Variants in TMEM108 observed in about 807,000 individuals in gnomAD.
TMEM108 encodes the protein transmembrane protein 108.
Under a neutral mutation model 35.1 loss-of-function variants are expected in TMEM108, and 12 were observed. That is an observed-to-expected ratio of 0.34 (90% CI 0.22 to 0.55). The LOEUF (loss-of-function observed/expected upper bound fraction) is 0.55, where lower values mean the gene tolerates loss of function less well. Among genes scored for constraint, TMEM108 ranks in the 20% least tolerant of loss-of-function variants. The pLI, the probability that TMEM108 is intolerant of heterozygous loss-of-function variation, is 0.89. For missense variants in TMEM108, 680 were observed against 753.3 expected (o/e 0.90, Z 1.14); for synonymous variants, 287 against 308.6 (o/e 0.93, Z 0.73).
chr3:133,385,855 G>A (rs1235519127), intron 4 of TMEM108, among the ~76,000 whole-genome samples: 2 of 152,224 alleles, frequency 1.3e-5, no homozygotes, highest in Non-Finnish European at 2.9e-5. Context: ...CCTGTCCACT[G>A]TGTTAGTTCC....
At chr3:133,198,872 C>T (rs1576376679) in intron 2 of TMEM108, among the ~76,000 whole-genome samples, 1 of 152,160 alleles carries the variant, frequency 6.6e-6, no homozygotes, top group African/African-American at 2.4e-5. Context: ...AGTGGAAACA[C>T]TCCTGCAGAG....
intron 3 of TMEM108, among the ~76,000 whole-genome samples, chr3:133,290,397 G>A (rs1401507915): frequency 6.6e-6 from 1 of 152,102 alleles, no homozygotes; most frequent in Non-Finnish European, 1.5e-5. Context: ...AAGCTGAGTG[G>A]ATCATCTCAG....
At position 133,380,876 on chromosome 3, in the gene TMEM108, C is replaced by CCCT. The variant is rs760690770; in HGVS notation, c.1168_1170dup (p.Ser390dup). The stretch of plus-strand genomic sequence containing the variant: ...CACAACCCCACAAGCTCCAACCCAT[C>CCCT]CCTCCAGGGTCTCAGAAAGCACTAT... On this transcript the variant is annotated inframe_insertion, in exon 4 of 6. Coordinates refer to ENST00000321871, the MANE Select transcript of TMEM108 (RefSeq NM_023943.4). The surrounding 1 kb of genome is among the most constrained non-coding windows in gnomAD (Gnocchi z 5.3). The CCCT allele has an allele frequency of 4.8e-5, 78 of 1,614,086 alleles. No individual in the cohort carries two copies. The highest frequency in any genetic ancestry group is 6.1e-5 in the Non-Finnish European group (72 of 1,180,034).
intron 4 of TMEM108, chr3:133,387,275 T>A: frequency 1.0e-6 from 1 of 985,490 alleles, no homozygotes; most frequent in Non-Finnish European, 1.2e-6. Flanking sequence ...GAAGTTCATC[T>A]TAAGTGACTT....
intron 2 of TMEM108, among the ~76,000 whole-genome samples, chr3:133,161,329 T>C (rs2107779100): frequency 6.6e-6 from 1 of 152,324 alleles, no homozygotes; most frequent in South Asian, 2.1e-4. Context: ...CATTCTTTCA[T>C]CACTCAGTCT....
At chr3:133,228,303 A>G (rs956625774) in intron 2 of TMEM108, among the ~76,000 whole-genome samples, 4 of 152,224 alleles carry the variant, frequency 2.6e-5, no homozygotes, top group African/African-American at 9.6e-5. Flanking sequence ...TAAAAATTTT[A>G]TATACAAATG....
rs546607363 is a variant in TMEM108 at position 133,353,936 on chromosome 3, G to C, written c.41-25816G>C. ...CCAAACTTTGTTTCTTGACATTCTGGAGAAGCATTAGTTTGCTTGTGTCCA... is the reference window on the plus strand; with the variant it reads ...CCAAACTTTGTTTCTTGACATTCTGCAGAAGCATTAGTTTGCTTGTGTCCA... On this transcript the variant is annotated intron_variant, in intron 3 of 5. Coordinates refer to ENST00000321871, the MANE Select transcript of TMEM108 (RefSeq NM_023943.4). 1.3e-5 allele frequency among the ~76,000 whole-genome samples: 2 copies of C among 152,282 alleles called. 1 individual carries two copies. Among genetic ancestry groups the C allele is most frequent in the African/African-American group, 4.8e-5 (2 of 41,566 alleles).
intron 2 of TMEM108, among the ~76,000 whole-genome samples, chr3:133,104,349 G>A (rs980277013): frequency 6.6e-6 from 1 of 152,156 alleles, no homozygotes; most frequent in East Asian, 1.9e-4. Flanking sequence ...GCAAAATAGA[G>A]CTTTATTTGT....
At chr3:133,198,903 T>C (rs572639743) in intron 2 of TMEM108, among the ~76,000 whole-genome samples, 20 of 152,320 alleles carry the variant, frequency 1.3e-4, no homozygotes, top group Admixed American at 7.2e-4. Context: ...CTTGGTTCCA[T>C]TCTCCCTGTC....
chr3:133,372,480 T>A lies in TMEM108; in HGVS notation c.41-7272T>A, dbSNP rs145767222. 6.6e-5 allele frequency among the ~76,000 whole-genome samples: 10 copies of A among 152,336 alleles called. No homozygotes were observed. The South Asian group carries it at 2.1e-3, about 32-fold the overall frequency. On this transcript the variant is annotated intron_variant, in intron 3 of 5. Coordinates refer to ENST00000321871, the MANE Select transcript of TMEM108 (RefSeq NM_023943.4). ...GTGTGTTCACGTGTGTTTGTTCATA[T>A]GTTTTTTAGGAGACCATGGTCTGTC...
intron 3 of TMEM108, among the ~76,000 whole-genome samples, chr3:133,330,280 A>G (rs1418997844): frequency 6.6e-6 from 1 of 152,176 alleles, no homozygotes; most frequent in African/African-American, 2.4e-5. Flanking sequence ...GAGCAGCTGC[A>G]GGGGAGGGGA....
intron 3 of TMEM108, among the ~76,000 whole-genome samples, chr3:133,284,962 CG>C (rs1559892302): frequency 6.6e-6 from 1 of 151,646 alleles, no homozygotes; most frequent in African/African-American, 2.4e-5. Flanking sequence ...TGTTTACCAA[CG>C]CTTTCTTATT....
rs1293371312 is a variant in TMEM108, at chr3:133,238,010, T to G, written c.40+8659T>G. ...GTTTGAGAACCTCTGACCTAAAGGA[T>G]AAATCCTAAATTCCTTAGGTTAGTG... is the stretch of plus-strand genomic sequence containing the variant. On this transcript the variant is annotated intron_variant, in intron 3 of 5. Coordinates refer to ENST00000321871, the MANE Select transcript of TMEM108 (RefSeq NM_023943.4). Among the ~76,000 whole-genome samples, 3 of 152,170 alleles carry G rather than the reference T, an allele frequency of 2.0e-5. No homozygotes were observed. In the East Asian group the frequency reaches 5.8e-4, roughly 29 times the overall value.
At position 133,103,332 on chromosome 3, in the gene TMEM108, A is replaced by G. The variant is rs1387722903; in HGVS notation, c.-47+57312A>G. Among the ~76,000 whole-genome samples the G allele has an allele frequency of 2.0e-5, 3 of 152,200 alleles. No individual in the cohort carries two copies. The East Asian group carries it at 5.8e-4, about 29-fold the overall frequency. Reference sequence around the variant, plus strand: ...ATTATCCTTAGCAAACTAATGCAAGAACAGAAAACCAAATACCGCATGTTC... The same window carrying G: ...ATTATCCTTAGCAAACTAATGCAAGGACAGAAAACCAAATACCGCATGTTC... On this transcript the variant is annotated intron_variant, in intron 2 of 5. Coordinates refer to ENST00000321871, the MANE Select transcript of TMEM108 (RefSeq NM_023943.4).
intron 3 of TMEM108, among the ~76,000 whole-genome samples, chr3:133,322,220 A>C (rs1426593517): frequency 2.0e-5 from 3 of 152,150 alleles, no homozygotes; most frequent in African/African-American, 7.2e-5. Context: ...AAAATACAAA[A>C]GATAAATGAA....
chr3:133,334,560 C>G (rs1466252688), intron 3 of TMEM108, among the ~76,000 whole-genome samples: 1 of 151,920 alleles, frequency 6.6e-6, no homozygotes, highest in Admixed American at 6.6e-5. Flanking sequence ...AGATGGGGTT[C>G]GCAGGTTATG....
intron 2 of TMEM108, among the ~76,000 whole-genome samples, chr3:133,224,218 T>C (rs1946034478): frequency 6.6e-6 from 1 of 152,206 alleles, no homozygotes; most frequent in African/African-American, 2.4e-5. Context: ...AAACGCTCCA[T>C]AGATACCCAC....
chr3:133,051,425 T>C (rs369847511), intron 2 of TMEM108, among the ~76,000 whole-genome samples: 7 of 152,152 alleles, frequency 4.6e-5, no homozygotes, highest in African/African-American at 1.4e-4. Flanking sequence ...CTTTGTCAAA[T>C]ATGTCTTTTG....
chr3:133,092,590 G>A (rs1409265628), intron 2 of TMEM108, among the ~76,000 whole-genome samples: 1 of 152,064 alleles, frequency 6.6e-6, no homozygotes, highest in Non-Finnish European at 1.5e-5. Flanking sequence ...TAGTGTGATC[G>A]TAGGTTGTAC....
Sources: allele counts gnomAD v4.1 joint callset (sites outside exome capture counted in the v4.1 genomes callset), GRCh38; gene constraint gnomAD v4.1.1; non-coding constraint Gnocchi (gnomAD v3.1); transcripts MANE v1.5; gene names NCBI Gene and HGNC (gene_info 2026-07-23, HGNC 2026-07-21).